Variants in GRM8 observed in about 807,000 individuals in gnomAD.
GRM8 encodes the protein metabotropic glutamate receptor 8.
A neutral mutation model predicts 87.2 loss-of-function variants in GRM8; 47 were observed. That is an observed-to-expected ratio of 0.54 (90% confidence interval 0.43 to 0.69). GRM8 has a LOEUF of 0.69. GRM8 is among the 30% of genes least tolerant of loss of function. The pLI, the probability that GRM8 is intolerant of heterozygous loss-of-function variation, is 0.00. For missense variants in GRM8, 1,019 were observed against 1,139.2 expected (o/e 0.89, Z 1.52); for synonymous variants, 396 against 404.5 (o/e 0.98, Z 0.25).
In GRM8 at chr7:126,626,101, A is replaced by AGTGTATGTGTGTGT. The variant is rs147069195; in HGVS notation, c.1358-16604_1358-16603insACACACACATACAC. Among the ~76,000 whole-genome samples, 136 of 148,832 alleles carry AGTGTATGTGTGTGT rather than the reference A, an allele frequency of 9.1e-4. 1 individual carries two copies. Among genetic ancestry groups the AGTGTATGTGTGTGT allele is most frequent in the Middle Eastern group, 3.4e-3 (1 of 292 alleles). On this transcript the variant is annotated intron_variant, in intron 7 of 10. Coordinates refer to ENST00000339582, the MANE Select transcript of GRM8 (RefSeq NM_000845.3). The stretch of plus-strand genomic sequence containing the variant: ...TAGTGATGATTACATATATGAGAGA[A>AGTGTATGTGTGTGT]GTGTGTGTGTGTGTGTGTGTGTGTG...
chr7:126,499,008 T>A (rs182195454), intron 9 of GRM8, among the ~76,000 whole-genome samples: 91 of 152,068 alleles, frequency 6.0e-4, no homozygotes, highest in African/African-American at 1.8e-3. Context: ...TAACATTTTT[T>A]AAAAATTCCT....
In GRM8 at chr7:126,480,903, T is replaced by A. The variant is rs534203470; in HGVS notation, c.2431-34531A>T. ...TTCTCCAGCATCCTTGTAGAAGACA[T>A]CGATCCCAGGGTTGTAGCCGGGAAA... On this transcript the variant is annotated intron_variant, in intron 9 of 10. Coordinates refer to ENST00000339582, the MANE Select transcript of GRM8 (RefSeq NM_000845.3). Among the ~76,000 whole-genome samples, 1,126 of 152,100 alleles carry A rather than the reference T, an allele frequency of 7.4e-3. 15 individuals carry two copies. The highest frequency in any genetic ancestry group is 0.025 in the African/African-American group (1,048 of 41,526).
intron 6 of GRM8, among the ~76,000 whole-genome samples, chr7:126,806,489 C>T (rs1339229590): frequency 6.6e-6 from 1 of 152,258 alleles, no homozygotes; most frequent in Non-Finnish European, 1.5e-5. Flanking sequence ...TTTTATTCCC[C>T]TATCTGGCCC....
chr7:126,752,597 G>T (rs1015510235), intron 7 of GRM8, among the ~76,000 whole-genome samples: 28 of 152,024 alleles, frequency 1.8e-4, no homozygotes, highest in African/African-American at 6.8e-4. Flanking sequence ...TCTACAAAGT[G>T]TTTACTAGAT....
chr7:126,906,765 C>T (rs1378325262), intron 3 of GRM8, among the ~76,000 whole-genome samples: 1 of 152,090 alleles, frequency 6.6e-6, no homozygotes, highest in African/African-American at 2.4e-5. Flanking sequence ...AAAATTATGC[C>T]TGTAATAGCA....
chr7:126,484,698 A>T (rs914891624), intron 9 of GRM8, among the ~76,000 whole-genome samples: 1 of 152,070 alleles, frequency 6.6e-6, no homozygotes, highest in South Asian at 2.1e-4. Context: ...CTAAATCTTT[A>T]TTCCAAAAGT....
chr7:127,099,246 G>C (rs1214371231), intron 3 of GRM8, among the ~76,000 whole-genome samples: 1 of 152,148 alleles, frequency 6.6e-6, no homozygotes, highest in Non-Finnish European at 1.5e-5. Context: ...GAGGACTGTG[G>C]ATCTAATAGC....
intron 3 of GRM8, among the ~76,000 whole-genome samples, chr7:127,012,529 G>T (rs181035444): frequency 6.6e-6 from 1 of 151,946 alleles, no homozygotes; most frequent in South Asian, 2.1e-4. Context: ...TGGGCCTTCC[G>T]CTCTACTTAA....
intron 7 of GRM8, among the ~76,000 whole-genome samples, chr7:126,732,758 A>G (rs1048358965): frequency 1.3e-5 from 2 of 152,132 alleles, no homozygotes; most frequent in African/African-American, 4.8e-5. Flanking sequence ...AGTGTAGAAT[A>G]CTTTCCATTG....
At chr7:126,667,645 A>C (rs1805913004) in intron 7 of GRM8, among the ~76,000 whole-genome samples, 1 of 152,214 alleles carries the variant, frequency 6.6e-6, no homozygotes, top group South Asian at 2.1e-4. Context: ...ACTTCACCTT[A>C]ATGAAAAGGA....
intron 2 of GRM8, among the ~76,000 whole-genome samples, chr7:127,218,751 T>A (rs113580565): frequency 6.6e-6 from 1 of 152,218 alleles, no homozygotes; most frequent in African/African-American, 2.4e-5. Flanking sequence ...GCCCATGGTC[T>A]ACTGACAGTG....
intron 9 of GRM8, among the ~76,000 whole-genome samples, chr7:126,506,315 G>A (rs910793554): frequency 6.6e-6 from 1 of 151,850 alleles, no homozygotes; most frequent in African/African-American, 2.4e-5. Context: ...CCATCAGTGA[G>A]CATTTAGGTT....
chr7:126,495,181 G>T (rs146038180), intron 9 of GRM8, among the ~76,000 whole-genome samples: 83 of 152,070 alleles, frequency 5.5e-4, no homozygotes, highest in African/African-American at 1.8e-3. Context: ...CAGTCCCATG[G>T]CATGAAGTTA....
At chr7:126,919,514 A>T (rs1161515703) in intron 3 of GRM8, among the ~76,000 whole-genome samples, 1 of 152,168 alleles carries the variant, frequency 6.6e-6, no homozygotes, top group African/African-American at 2.4e-5. Flanking sequence ...GGGGATCTTA[A>T]AAACTGATTT....
chr7:127,045,323 TC>T (rs1818817985), intron 3 of GRM8, among the ~76,000 whole-genome samples: 1 of 151,938 alleles, frequency 6.6e-6, no homozygotes, highest in African/African-American at 2.4e-5. Flanking sequence ...TTTTTTTTTT[TC>T]AGTAATTTGT....
At chr7:126,707,897 G>C (rs1425579797) in intron 7 of GRM8, among the ~76,000 whole-genome samples, 1 of 151,804 alleles carries the variant, frequency 6.6e-6, no homozygotes, top group Non-Finnish European at 1.5e-5. Flanking sequence ...ATACCAAGTG[G>C]GACTGTATCA....
intron 3 of GRM8, among the ~76,000 whole-genome samples, chr7:126,969,223 GCA>G (rs1810173403): frequency 6.6e-6 from 1 of 152,084 alleles, no homozygotes. Context: ...AGTGGCTGTG[GCA>G]ATTTTGTAAA....
At chr7:126,714,123 C>G (rs955676821) in intron 7 of GRM8, among the ~76,000 whole-genome samples, 1 of 149,532 alleles carries the variant, frequency 6.7e-6, no homozygotes, top group South Asian at 2.1e-4. Context: ...AAAAAAAATA[C>G]AAAAATTAGC....
At chr7:126,836,179 G>T (rs1321441780) in intron 6 of GRM8, among the ~76,000 whole-genome samples, 1 of 151,870 alleles carries the variant, frequency 6.6e-6, no homozygotes, top group African/African-American at 2.4e-5. Flanking sequence ...TTAATTTCTT[G>T]GCCAAAATTA....
Sources: allele counts gnomAD v4.1 joint callset (sites outside exome capture counted in the v4.1 genomes callset), GRCh38; gene constraint gnomAD v4.1.1; transcripts MANE v1.5; gene names NCBI Gene and HGNC (gene_info 2026-07-23, HGNC 2026-07-21).